Variants in RTF2 observed in about 807,000 individuals in gnomAD.
RTF2 encodes the protein UPF0549 protein C20orf43.
Under a neutral mutation model 38.0 loss-of-function variants are expected in RTF2, and 18 were observed. That is an observed-to-expected ratio of 0.47 (90% CI 0.33 to 0.70). The LOEUF (loss-of-function observed/expected upper bound fraction) is 0.70. Among genes scored for constraint, RTF2 ranks in the 30% least tolerant of loss-of-function variants. The pLI, the probability that RTF2 is intolerant of heterozygous loss-of-function variation, is 0.02. For synonymous variants in RTF2, 126 were observed against 137.1 expected (o/e 0.92, Z 0.57); for missense variants, 311 against 379.6 (o/e 0.82, Z 1.50).
intron 5 of RTF2, among the ~76,000 whole-genome samples, chr20:56,495,022 A>G (rs1983419795): frequency 6.6e-6 from 1 of 152,150 alleles, no homozygotes; most frequent in African/African-American, 2.4e-5. Context: ...ACTTTTCTGT[A>G]TGAATCTTAT....
At chr20:56,494,471 T>C (rs1273842980) in intron 5 of RTF2, among the ~76,000 whole-genome samples, 1 of 152,212 alleles carries the variant, frequency 6.6e-6, no homozygotes, top group Non-Finnish European at 1.5e-5. Flanking sequence ...ATTTACTGAC[T>C]AGTCCTGACA....
intron 3 of RTF2, among the ~76,000 whole-genome samples, chr20:56,476,382 T>C (rs1490949357): frequency 6.6e-6 from 1 of 152,180 alleles, no homozygotes; most frequent in East Asian, 1.9e-4. Flanking sequence ...GAGCTTTCTG[T>C]TAGTGGAGTA....
intron 5 of RTF2, 77 bp downstream of exon 5, chr20:56,484,266 T>C (rs1295225073): frequency 9.8e-6 from 12 of 1,219,996 alleles, no homozygotes; most frequent in Non-Finnish European, 1.5e-5. Context: ...TTTCCCTCCA[T>C]TTGTTCTTTC....
chr20:56,518,155 GA>G lies in RTF2; in HGVS notation c.812del (p.Asp271AlafsTer54). The G allele has an allele frequency of 6.2e-7, 1 of 1,614,166 alleles. No individual in the cohort carries two copies. Among genetic ancestry groups the G allele is most frequent in the Non-Finnish European group, 8.5e-7 (1 of 1,180,016 alleles). On this transcript the variant is annotated frameshift_variant, in exon 9 of 9. Transcript: ENST00000357348. LOFTEE classifies it high-confidence loss of function. ...PCGATKRSIA[D>X]SEESEAYKSL... The stretch of plus-strand genomic sequence containing the variant: ...TGGAGCCACAAAGAGGTCCATCGCT[GA>G]CAGTGAAGAATCGGAGGCCTACAAG...
intron 4 of RTF2, among the ~76,000 whole-genome samples, chr20:56,477,658 T>TA (rs1356463321): frequency 6.6e-6 from 1 of 152,140 alleles, no homozygotes; most frequent in Non-Finnish European, 1.5e-5. Flanking sequence ...GCTGGGATTG[T>TA]AGGCGTAAGC....
rs1399876494 is a variant in RTF2 at position 56,516,969 on chromosome 20, CAAAACCAGATGTCAGTGAAGGT to C, written c.629_646+4del. On this transcript the variant is annotated splice_donor_variant and coding_sequence_variant, in exon 7 of 9. Transcript: ENST00000357348. LOFTEE classifies it high-confidence loss of function. Reference sequence around the variant, plus strand: ...AAACCCAAGGCAGCAGAGTCTGTTTCAAAACCAGATGTCAGTGAAGGTAAGATCCTTCAAGAGATCCTTATTT... The same window carrying C: ...AAACCCAAGGCAGCAGAGTCTGTTTCAAGATCCTTCAAGAGATCCTTATTT... 1.9e-6 allele frequency: 3 copies of C among 1,614,112 alleles called. No homozygotes were observed. Among genetic ancestry groups the C allele is most frequent in the Non-Finnish European group, 2.5e-6 (3 of 1,179,934 alleles).
At chr20:56,512,032 CG>C (rs2146373943) in intron 5 of RTF2, among the ~76,000 whole-genome samples, 1 of 152,218 alleles carries the variant, frequency 6.6e-6, no homozygotes, top group Admixed American at 6.5e-5. Context: ...TTAGCAGAGA[CG>C]GGGTTTCACC....
chr20:56,497,214 T>C, intron 5 of RTF2: 5 of 1,551,820 alleles, frequency 3.2e-6, no homozygotes, highest in Non-Finnish European at 4.4e-6. Flanking sequence ...TTGAGGTACA[T>C]AAATAGCTCT....
At chr20:56,494,030 A>G (rs1224893685) in intron 5 of RTF2, among the ~76,000 whole-genome samples, 1 of 152,060 alleles carries the variant, frequency 6.6e-6, no homozygotes, top group African/African-American at 2.4e-5. Flanking sequence ...TGGGTTCCAC[A>G]TCAGTAAAGG....
intron 6 of RTF2, chr20:56,514,414 G>C (rs980885624): frequency 2.0e-5 from 3 of 152,014 alleles, no homozygotes; most frequent in Non-Finnish European, 2.9e-5. Flanking sequence ...CAGAACTAAG[G>C]CAAAAGAATG....
At position 56,518,292 on chromosome 20, in the gene RTF2, C is replaced by T. The variant is rs566374900; in HGVS notation, c.*27C>T. The stretch of plus-strand genomic sequence containing the variant: ...GCCCGCACTGCCACCGCTCCTGCCC[C>T]AGAAGGTTGTTTAGTTTCCACGTAG... On this transcript the variant is annotated 3_prime_UTR_variant, in exon 9 of 9. Coordinates refer to ENST00000357348, the MANE Select transcript of RTF2 (RefSeq NM_016407.5). 6.3e-6 allele frequency: 10 copies of T among 1,596,950 alleles called. No homozygotes were observed. The Admixed American group carries it at 1.2e-4, about 20-fold the overall frequency.
chr20:56,489,815 G>A (rs922064637), intron 5 of RTF2, among the ~76,000 whole-genome samples: 3 of 152,226 alleles, frequency 2.0e-5, no homozygotes, highest in Non-Finnish European at 4.4e-5. Flanking sequence ...TTTACATTCA[G>A]TTGCTATTGA....
chr20:56,517,766 T>A (rs1259617835), intron 8 of RTF2, among the ~76,000 whole-genome samples: 1 of 152,176 alleles, frequency 6.6e-6, no homozygotes, highest in Non-Finnish European at 1.5e-5. Flanking sequence ...CAGGCTCCCA[T>A]CCCGGCTCTA....
At position 56,513,427 on chromosome 20, in the gene RTF2, A is replaced by G. The variant is rs1184828244; in HGVS notation, c.590A>G (p.Lys197Arg). 1 of 1,585,004 alleles carries G rather than the reference A, an allele frequency of 6.3e-7. No homozygotes were observed. Among genetic ancestry groups the G allele is most frequent in the East Asian group, 2.3e-5 (1 of 43,752 alleles). Residue 197 changes from lysine to arginine, a missense_variant and splice_region_variant, in exon 6 of 9, where the codon AAG becomes AGG. Lys to Arg is a conservative substitution (Grantham distance 26). Coordinates refer to ENST00000357348, the MANE Select transcript of RTF2 (RefSeq NM_016407.5). ...EERRLRAKLE[K>R]KTKKPKAAES... The stretch of plus-strand genomic sequence containing the variant: ...AGAAGGCTGAGAGCGAAGCTGGAAA[A>G]GGTAATGGGAGTCTTCAGGTTCCGC...
chr20:56,471,090 G>C (rs1981935056), intron 1 of RTF2: 1 of 177,000 alleles, frequency 5.6e-6, no homozygotes, highest in Non-Finnish European at 1.2e-5. Context: ...GGTAGGGACA[G>C]TATTATGGGA....
chr20:56,513,256 AGCGTG>A, intron 5 of RTF2, 54 bp from the exon 6 acceptor site: 1 of 1,547,290 alleles, frequency 6.5e-7, no homozygotes, highest in Admixed American at 2.0e-5. Flanking sequence ...GGGGGACTGA[AGCGTG>A]GCCTCCCCAT....
chr20:56,506,658 G>A (rs1258138632), intron 5 of RTF2, among the ~76,000 whole-genome samples: 8 of 151,872 alleles, frequency 5.3e-5, no homozygotes, highest in African/African-American at 1.9e-4. Flanking sequence ...TTTCTACATT[G>A]CCCCAAACTC....
At chr20:56,494,476 C>G (rs1037522171) in intron 5 of RTF2, among the ~76,000 whole-genome samples, 12 of 152,144 alleles carry the variant, frequency 7.9e-5, no homozygotes, top group Admixed American at 7.9e-4. Flanking sequence ...CTGACTAGTC[C>G]TGACAAACCC....
Position 56,468,663 on chromosome 20 carries a change from G to C in RTF2, c.-35G>C, listed in dbSNP as rs757451060. On this transcript the variant is annotated 5_prime_UTR_variant, in exon 1 of 9. Transcript: ENST00000357348. ...CGGAAATCCCGGAAGTGACAGCTTTGGGGGTTTGCTGCTGGCTCTGACTCC... is the reference window on the plus strand; with the variant it reads ...CGGAAATCCCGGAAGTGACAGCTTTCGGGGTTTGCTGCTGGCTCTGACTCC... 3 of 1,547,090 alleles carry C rather than the reference G, an allele frequency of 1.9e-6. No individual in the cohort carries two copies. Among genetic ancestry groups the C allele is most frequent in the Non-Finnish European group, 2.6e-6 (3 of 1,141,998 alleles).
Sources: allele counts gnomAD v4.1 joint callset (sites outside exome capture counted in the v4.1 genomes callset), GRCh38; gene constraint gnomAD v4.1.1; transcripts MANE v1.5; gene names NCBI Gene and HGNC (gene_info 2026-07-23, HGNC 2026-07-21).